Variants in BICRA observed in about 807,000 individuals in gnomAD.
BICRA encodes the protein BRD4-interacting chromatin-remodeling complex-associated protein.
BICRA carries 31 observed loss-of-function variants against 96.9 expected under a neutral mutation model. That is an observed-to-expected ratio of 0.32 (90% CI 0.24 to 0.43). The LOEUF (loss-of-function observed/expected upper bound fraction) is 0.43. Among genes scored for constraint, BICRA ranks in the 20% least tolerant of loss-of-function variants. The pLI is 1.00. For missense variants in BICRA, 2,283 were observed against 2,190.3 expected (o/e 1.04, Z -0.84); for synonymous variants, 1,350 against 1,071.8 (o/e 1.26, Z -5.07).
Position 47,694,361 on chromosome 19 carries a change from C to T in BICRA, c.2530C>T (p.Pro844Ser). The change falls in exon 8 of 15, where the codon CCC becomes TCC. Residue 844 changes from proline to serine, a missense_variant. Pro to Ser is a moderately conservative substitution (Grantham distance 74). Transcript: ENST00000594866. ...IFVIQNQLGV[P>S]PPASNPAPTA... ...TGTCATCCAAAACCAGCTAGGCGTTCCCCCGCCTGCCAGCAACCCGGCCCC... is the reference window on the plus strand; with the variant it reads ...TGTCATCCAAAACCAGCTAGGCGTTTCCCCGCCTGCCAGCAACCCGGCCCC... 2 of 1,214,252 alleles carry T rather than the reference C, an allele frequency of 1.6e-6. No individual in the cohort carries two copies. Among genetic ancestry groups the T allele is most frequent in the Non-Finnish European group, 2.3e-6 (2 of 864,128 alleles). The allele number at this position is 1,214,252 out of a possible 1,614,324, so 75.2% of individuals were successfully genotyped here.
In BICRA at chr19:47,698,114, G is replaced by A. The variant is rs149880630; in HGVS notation, c.3249-520G>A. 3.5e-4 allele frequency among the ~76,000 whole-genome samples: 53 copies of A among 152,316 alleles called. No homozygotes were observed. The highest frequency in any genetic ancestry group is 2.5e-3 in the Admixed American group (39 of 15,300). On this transcript the variant is annotated intron_variant, in intron 11 of 14. Coordinates refer to ENST00000594866, the MANE Select transcript of BICRA (RefSeq NM_001394372.1). This position sits in a 1 kb window ranked among gnomAD's most constrained non-coding sequence, Gnocchi z 4.8. ...CCCCCACAGTGCAGAGAGGCTGCTG[G>A]TTTTTAGCCGAGGGTGGAGTTGGGC...
At position 47,694,627 on chromosome 19, in the gene BICRA, G is replaced by A. The variant is rs200385779; in HGVS notation, c.2796G>A (p.Pro932=). 7.4e-5 allele frequency: 114 copies of A among 1,541,218 alleles called. 1 individual carries two copies. In the African/African-American group the frequency reaches 1.6e-3, roughly 22 times the overall value. ...PPPTLHLVPE[P]AAPPPPPPRT... Reference sequence around the variant, plus strand: ...CAACCCTCCACCTGGTCCCTGAGCCGGCAGCACCCCCCCCACCGCCTCCTC... The same window carrying A: ...CAACCCTCCACCTGGTCCCTGAGCCAGCAGCACCCCCCCCACCGCCTCCTC... Residue 932 remains proline, a synonymous_variant, in exon 8 of 15, where the codon CCG becomes CCA. Transcript: ENST00000594866.
chr19:47,685,780 T>TGTGTGTGTGC (rs1973140026), intron 7 of BICRA, among the ~76,000 whole-genome samples: 1 of 131,198 alleles, frequency 7.6e-6, no homozygotes, highest in African/African-American at 3.0e-5. Flanking sequence ...TGTGTGTGTG[T>TGTGTGTGTGC]GTGTGTGCGC....
chr19:47,624,012 C>T (rs532746360), intron 1 of BICRA, among the ~76,000 whole-genome samples: 9 of 152,110 alleles, frequency 5.9e-5, no homozygotes, highest in East Asian at 1.9e-4. Context: ...CCACCGCGCC[C>T]GGCTAATTTT....
rs758392959 is a variant in BICRA, at chr19:47,680,624, A to C, written c.1454A>C (p.Gln485Pro). ...PGAPAVQLPQQLSALPANVGG... is the reference protein window; with the variant it reads ...PGAPAVQLPQPLSALPANVGG... ...GCCCCGGCGGTCCAGCTCCCGCAGC[A>C]GCTCTCAGCCCTGCCGGCCAACGTG... Residue 485 changes from glutamine (Q) to proline (P), a missense_variant, in exon 6 of 15, where the codon CAG becomes CCG. Coordinates refer to ENST00000594866, the MANE Select transcript of BICRA (RefSeq NM_001394372.1). The C allele has an allele frequency of 2.0e-5, 33 of 1,610,302 alleles. No homozygotes were observed. Among genetic ancestry groups the C allele is most frequent in the Non-Finnish European group, 2.6e-5 (31 of 1,178,760 alleles).
Position 47,680,336 on chromosome 19 carries a change from A to C in BICRA, c.1166A>C (p.Gln389Pro). ...TIQGEPGALP[Q>P]QPKAPQNLTF... ...CAGGGCGAGCCGGGGGCGCTCCCGC[A>C]GCAGCCCAAGGCCCCGCAGAACCTG... is the stretch of plus-strand genomic sequence containing the variant. The change falls in exon 6 of 15, where the codon CAG becomes CCG. Residue 389 changes from glutamine to proline, a missense_variant. Physicochemically the swap from Gln to Pro is moderately conservative, Grantham distance 76. Transcript: ENST00000594866. The C allele has an allele frequency of 6.5e-7, 1 of 1,534,940 alleles. No homozygotes were observed. Among genetic ancestry groups the C allele is most frequent in the Non-Finnish European group, 8.7e-7 (1 of 1,147,002 alleles).
At chr19:47,678,435 C>T (rs768463619) in intron 5 of BICRA, among the ~76,000 whole-genome samples, 9 of 151,794 alleles carry the variant, frequency 5.9e-5, no homozygotes, top group Non-Finnish European at 8.8e-5. Flanking sequence ...GTTTTTTGGG[C>T]GTCAGCTGGT....
At chr19:47,614,565 C>T (rs145687753) in intron 1 of BICRA, among the ~76,000 whole-genome samples, 113 of 152,266 alleles carry the variant, frequency 7.4e-4, no homozygotes, top group Admixed American at 1.9e-3. Context: ...TGCGGTGAGC[C>T]GAGATTGCGG....
In BICRA at chr19:47,626,765, A is replaced by G. The variant is rs376185444; in HGVS notation, c.-108+17597A>G. Reference sequence around the variant, plus strand: ...GAGACAGAGTCTCGCTCGGTCACCTAGGCTGGAGTGCAATGGCGTGATCTC... The same window carrying G: ...GAGACAGAGTCTCGCTCGGTCACCTGGGCTGGAGTGCAATGGCGTGATCTC... On this transcript the variant is annotated intron_variant, in intron 1 of 14. Transcript: ENST00000594866. 2.3e-4 allele frequency among the ~76,000 whole-genome samples: 31 copies of G among 133,474 alleles called. No homozygotes were observed. In the East Asian group the frequency reaches 3.1e-3, roughly 13 times the overall value. The allele number at this position is 133,474 out of a possible 152,430, so 87.6% of individuals were successfully genotyped here.
At chr19:47,628,485 T>A (rs1463768050) in intron 1 of BICRA, among the ~76,000 whole-genome samples, 1 of 152,186 alleles carries the variant, frequency 6.6e-6, no homozygotes, top group East Asian at 1.9e-4. Context: ...CCTTAGCTCT[T>A]AGCTTTGGGG....
intron 1 of BICRA, among the ~76,000 whole-genome samples, chr19:47,618,186 C>T (rs1012688382): frequency 5.9e-5 from 9 of 152,142 alleles, no homozygotes; most frequent in Admixed American, 1.3e-4. Context: ...GTGCAGAAAT[C>T]GTCCTCATAA....
At chr19:47,682,732 C>T (rs998820901) in intron 7 of BICRA, among the ~76,000 whole-genome samples, 12 of 150,292 alleles carry the variant, frequency 8.0e-5, no homozygotes, top group African/African-American at 3.0e-4. Context: ...AGTGCAGTGG[C>T]GCGATCTTGG....
At position 47,646,496 on chromosome 19, in the gene BICRA, C is replaced by G. The variant is rs565419152; in HGVS notation, c.-107-23947C>G. On this transcript the variant is annotated intron_variant, in intron 1 of 14. Transcript: ENST00000594866. ...AACACCATGCTTAAGAACATTTCTC[C>G]CATGTGTTTTACTTTTTGAGCCTTA... Among the ~76,000 whole-genome samples, 164 of 152,296 alleles carry G rather than the reference C, an allele frequency of 1.1e-3. No homozygotes were observed. In the Middle Eastern group the frequency reaches 0.014, roughly 13 times the overall value.
chr19:47,619,665 A>G (rs760863867), intron 1 of BICRA, among the ~76,000 whole-genome samples: 7 of 151,984 alleles, frequency 4.6e-5, no homozygotes, highest in Non-Finnish European at 1.0e-4. Context: ...TGGGAGGGCG[A>G]GGTGGGAGGA....
chr19:47,692,516 C>T (rs545714840), intron 7 of BICRA, among the ~76,000 whole-genome samples: 1 of 152,296 alleles, frequency 6.6e-6, no homozygotes, highest in African/African-American at 2.4e-5. Flanking sequence ...AGGCGTGAGC[C>T]ACCGTGCCCG....
intron 1 of BICRA, among the ~76,000 whole-genome samples, chr19:47,647,040 C>CT (rs1413803783): frequency 1.3e-5 from 2 of 152,196 alleles, no homozygotes; most frequent in Non-Finnish European, 2.9e-5. Flanking sequence ...GAAACAGACT[C>CT]TTACACGACG....
At chr19:47,625,824 C>G (rs1374848008) in intron 1 of BICRA, among the ~76,000 whole-genome samples, 2 of 151,838 alleles carry the variant, frequency 1.3e-5, no homozygotes, top group Non-Finnish European at 2.9e-5. Context: ...GGCTGAGAGA[C>G]ACAGGAGGAG....
chr19:47,690,315 G>A (rs543151589), intron 7 of BICRA, among the ~76,000 whole-genome samples: 7 of 152,258 alleles, frequency 4.6e-5, no homozygotes, highest in South Asian at 2.1e-4. Context: ...TTGTTCACCT[G>A]TTATTTCCCA....
In BICRA at chr19:47,622,241, G is replaced by C. The variant is rs538635807; in HGVS notation, c.-108+13073G>C. ...GGCCTCCCAAAGTGCTGGAATTACA[G>C]GTGTGAGCCACCACTCCCGGCCATA... On this transcript the variant is annotated intron_variant, in intron 1 of 14. Coordinates refer to ENST00000594866, the MANE Select transcript of BICRA (RefSeq NM_001394372.1). Among the ~76,000 whole-genome samples, 33 of 151,862 alleles carry C rather than the reference G, an allele frequency of 2.2e-4. 1 individual carries two copies. The highest frequency in any genetic ancestry group is 8.0e-4 in the African/African-American group (33 of 41,490).
Sources: allele counts gnomAD v4.1 joint callset (sites outside exome capture counted in the v4.1 genomes callset), GRCh38; gene constraint gnomAD v4.1.1; non-coding constraint Gnocchi (gnomAD v3.1); transcripts MANE v1.5; gene names NCBI Gene and HGNC (gene_info 2026-07-23, HGNC 2026-07-21).